Variants in FER observed in about 807,000 individuals in gnomAD.
The protein encoded by FER is FER tyrosine kinase.
Under a neutral mutation model 111.0 loss-of-function variants are expected in FER, and 63 were observed. The observed-to-expected ratio is 0.57, with a 90% CI of 0.46 to 0.70. The LOEUF (loss-of-function observed/expected upper bound fraction) is 0.70. FER is among the 30% of genes least tolerant of loss of function. The pLI, the probability that FER is intolerant of heterozygous loss-of-function variation, is 0.00. For missense variants in FER, 914 were observed against 954.0 expected, an observed-to-expected ratio of 0.96 and a Z score of 0.55; for synonymous variants, 327 against 313.9, an observed-to-expected ratio of 1.04 and a Z score of -0.44.
intron 13 of FER, among the ~76,000 whole-genome samples, chr5:108,963,158 A>G (rs998225424): frequency 4.6e-5 from 7 of 152,180 alleles, no homozygotes; most frequent in African/African-American, 1.7e-4. Flanking sequence ...CATTTAAATG[A>G]CACTTTTGGA....
chr5:108,932,898 A>C (rs548339377), intron 10 of FER, among the ~76,000 whole-genome samples: 1 of 147,166 alleles, frequency 6.8e-6, no homozygotes, highest in Non-Finnish European at 1.5e-5. Context: ...TTTTCTTGTA[A>C]ATTTGTTTAA....
At chr5:109,106,554 G>A (rs1326045331) in intron 17 of FER, among the ~76,000 whole-genome samples, 1 of 151,954 alleles carries the variant, frequency 6.6e-6, no homozygotes, top group Admixed American at 6.6e-5. Flanking sequence ...AACCAATTTT[G>A]CTATAATACA....
intron 13 of FER, among the ~76,000 whole-genome samples, chr5:109,013,993 G>A (rs1368485757): frequency 2.0e-5 from 3 of 151,784 alleles, no homozygotes; most frequent in Non-Finnish European, 4.4e-5. Context: ...CCCTTTGTCA[G>A]ATGAGTAGGT....
intron 1 of FER, among the ~76,000 whole-genome samples, chr5:108,762,343 T>A (rs764373697): frequency 2.0e-5 from 3 of 152,200 alleles, no homozygotes; most frequent in Non-Finnish European, 2.9e-5. Flanking sequence ...ACTTAGTCTT[T>A]CAGCATACTC....
chr5:109,010,318 TG>T (rs1215238480), intron 13 of FER, among the ~76,000 whole-genome samples: 3 of 152,022 alleles, frequency 2.0e-5, no homozygotes, highest in African/African-American at 7.2e-5. Flanking sequence ...CCACCACGCC[TG>T]GCTAATTTTT....
chr5:109,166,871 A>G (rs1289481769), intron 17 of FER, among the ~76,000 whole-genome samples: 1 of 152,120 alleles, frequency 6.6e-6, no homozygotes, highest in African/African-American at 2.4e-5. Flanking sequence ...CAGAAAGACA[A>G]AAGTTGGAAG....
intron 13 of FER, among the ~76,000 whole-genome samples, chr5:108,966,466 C>T (rs1295998730): frequency 6.7e-6 from 1 of 149,346 alleles, no homozygotes; most frequent in Non-Finnish European, 1.5e-5. Flanking sequence ...CAGCTCACTG[C>T]AACCTCCACC....
intron 9 of FER, among the ~76,000 whole-genome samples, chr5:108,893,069 A>G (rs1748413146): frequency 1.3e-5 from 2 of 152,136 alleles, no homozygotes; most frequent in Admixed American, 1.3e-4. Flanking sequence ...TGGTTACTGT[A>G]GCCTTGTAGT....
intron 13 of FER, among the ~76,000 whole-genome samples, chr5:108,961,871 A>C (rs1028872460): frequency 6.6e-6 from 1 of 152,176 alleles, no homozygotes; most frequent in African/African-American, 2.4e-5. Context: ...TTGTGTGAAA[A>C]GTAAATGTCT....
At chr5:108,773,420 C>T (rs1407501505) in intron 2 of FER, among the ~76,000 whole-genome samples, 1 of 152,074 alleles carries the variant, frequency 6.6e-6, no homozygotes. Context: ...TTGTTCAGCT[C>T]CCACTTAGGA....
intron 3 of FER, among the ~76,000 whole-genome samples, chr5:108,822,753 ATTTTAT>A (rs768723967): frequency 1.7e-5 from 2 of 115,116 alleles, no homozygotes; most frequent in African/African-American, 7.5e-5. Context: ...ATTTTATTTT[ATTTTAT>A]TTTATTTATT....
chr5:109,051,698 T>G, intron 16 of FER: 1 of 1,572,374 alleles, frequency 6.4e-7, no homozygotes, highest in Middle Eastern at 1.7e-4. Context: ...TTGGCGGGGC[T>G]CAGCGGGCCA....
chr5:109,057,560 C>T (rs1004168456), intron 16 of FER, among the ~76,000 whole-genome samples: 1 of 152,168 alleles, frequency 6.6e-6, no homozygotes, highest in African/African-American at 2.4e-5. Context: ...GTGATCATAG[C>T]TCACTGTAGC....
intron 17 of FER, among the ~76,000 whole-genome samples, chr5:109,124,340 A>G (rs1204263305): frequency 1.3e-5 from 2 of 152,242 alleles, no homozygotes; most frequent in Non-Finnish European, 2.9e-5. Flanking sequence ...GTGGGAAATT[A>G]TTAGCAATAT....
intron 17 of FER, among the ~76,000 whole-genome samples, chr5:109,135,177 G>A (rs1305852159): frequency 6.6e-6 from 1 of 152,224 alleles, no homozygotes; most frequent in Non-Finnish European, 1.5e-5. Flanking sequence ...TGGAGATAAA[G>A]CTGGAGGGAT....
At chr5:108,938,018 TCTCTCTCTCACACACACACACACACACA>T (rs1412018625) in intron 10 of FER, among the ~76,000 whole-genome samples, 5 of 115,214 alleles carry the variant, frequency 4.3e-5, no homozygotes, top group African/African-American at 7.1e-5. Flanking sequence ...TTTTTCCCTA[TCTCTCTCTCACACACACACACACACACA>T]CACACACACA....
At chr5:109,156,417 A>G (rs200133432) in intron 17 of FER, among the ~76,000 whole-genome samples, 11 of 152,182 alleles carry the variant, frequency 7.2e-5, no homozygotes, top group East Asian at 5.8e-4. Flanking sequence ...GCAGATTTAG[A>G]TTATGATAAA....
chr5:109,133,478 A>G (rs903942096), intron 17 of FER, among the ~76,000 whole-genome samples: 3 of 152,172 alleles, frequency 2.0e-5, no homozygotes, highest in African/African-American at 7.2e-5. Context: ...TGAAAAATTT[A>G]AAAAGGTTAG....
chr5:108,883,436 A>C lies in FER; in HGVS notation c.964A>C (p.Met322Leu). ...GGAAGAACTTATGCAAACACAGCAG[A>C]TGCTTTTAAACAAGGAGGAGGCTGT... ...LAEELMQTQQ[M>L]LLNKEEAVLE... The change falls in exon 9 of 20, where the codon ATG becomes CTG. Residue 322 changes from methionine to leucine, a missense_variant. This residue lies in a region of FER where 774 missense variants were observed against 782.6 expected (regional missense o/e 0.99). Coordinates refer to ENST00000281092, the MANE Select transcript of FER (RefSeq NM_005246.4). The C allele has an allele frequency of 6.2e-7, 1 of 1,609,340 alleles. No homozygotes were observed. Among genetic ancestry groups the C allele is most frequent in the Non-Finnish European group, 8.5e-7 (1 of 1,176,866 alleles).
Sources: allele counts gnomAD v4.1 joint callset (sites outside exome capture counted in the v4.1 genomes callset), GRCh38; gene constraint gnomAD v4.1.1; regional missense constraint gnomAD v4.1.1; transcripts MANE v1.5; gene names NCBI Gene and HGNC (gene_info 2026-07-23, HGNC 2026-07-21).